SEMA3D: variants seen among roughly 807,000 people sequenced by gnomAD.
The protein encoded by SEMA3D is semaphorin 3D.
SEMA3D carries 84 observed loss-of-function variants against 100.1 expected under a neutral mutation model. The observed-to-expected ratio is 0.84, with a 90% CI of 0.70 to 1.01. The LOEUF (loss-of-function observed/expected upper bound fraction) is 1.01. Ranked by LOEUF, SEMA3D falls within the 50% of genes least tolerant of loss-of-function variation. The probability of loss-of-function intolerance (pLI) is 0.00; values close to 1 mark genes in which losing one functional copy is unlikely to be tolerated. For missense variants in SEMA3D, 875 were observed against 934.1 expected, an observed-to-expected ratio of 0.94 and a Z score of 0.82; for synonymous variants, 312 against 320.7, an observed-to-expected ratio of 0.97 and a Z score of 0.29.
At chr7:85,022,362 G>GA (rs747823303) in intron 13 of SEMA3D, 29 bp downstream of exon 13, 16 of 1,517,186 alleles carry the variant, frequency 1.1e-5, no homozygotes, top group Non-Finnish European at 1.4e-5. Context: ...AATTCCTTTT[G>GA]AAAAAATCCT....
the SEMA3D span, among the ~76,000 whole-genome samples, chr7:85,211,793 C>G: frequency 6.6e-6 from 1 of 152,048 alleles, no homozygotes; most frequent in African/African-American, 2.4e-5. Context: ...TTGTGATGAT[C>G]TACTTCCAGT....
intron 8 of SEMA3D, among the ~76,000 whole-genome samples, chr7:85,063,091 C>T (rs1791520941): frequency 6.6e-6 from 1 of 152,076 alleles, no homozygotes; most frequent in Non-Finnish European, 1.5e-5. Flanking sequence ...TAATAGACTT[C>T]CCGATATGAT....
intron 2 of SEMA3D, among the ~76,000 whole-genome samples, chr7:85,136,669 T>C (rs1789875542): frequency 6.6e-6 from 1 of 152,144 alleles, no homozygotes; most frequent in African/African-American, 2.4e-5. Flanking sequence ...TTATGCTTTC[T>C]CTTGCTAAAA....
chr7:85,161,374 TA>T (rs1221759030), intron 1 of SEMA3D, among the ~76,000 whole-genome samples: 1 of 152,092 alleles, frequency 6.6e-6, no homozygotes, highest in African/African-American at 2.4e-5. Flanking sequence ...GGGGTAAATA[TA>T]AAATATATAA....
chr7:85,202,122 T>A, the SEMA3D span, among the ~76,000 whole-genome samples: 1 of 151,640 alleles, frequency 6.6e-6, no homozygotes, highest in South Asian at 2.1e-4. Flanking sequence ...GTTAGTTACA[T>A]ACATATACAT....
intron 3 of SEMA3D, 136 bp from the exon 4 acceptor site, chr7:85,098,101 AAGAAAG>A: frequency 1.8e-6 from 1 of 564,550 alleles, no homozygotes; most frequent in Non-Finnish European, 2.9e-6. Context: ...AAAAGAAAGA[AAGAAAG>A]AGAAAGAAAG....
chr7:85,247,994 C>A, the SEMA3D span, among the ~76,000 whole-genome samples: 8 of 151,966 alleles, frequency 5.3e-5, no homozygotes, highest in African/African-American at 1.7e-4. Context: ...GACATAGATA[C>A]CATGCAAAAG....
intron 4 of SEMA3D, among the ~76,000 whole-genome samples, chr7:85,084,201 G>C (rs1468359000): frequency 6.6e-6 from 1 of 151,860 alleles, no homozygotes; most frequent in African/African-American, 2.4e-5. Flanking sequence ...TTAGATATGA[G>C]CTTATGAACT....
intron 2 of SEMA3D, among the ~76,000 whole-genome samples, chr7:85,147,092 C>CTTTTCTTTTTTTT (rs1165953881): frequency 3.9e-4 from 19 of 48,154 alleles, no homozygotes; most frequent in Non-Finnish European, 5.9e-4. Flanking sequence ...TTTTTCTTTT[C>CTTTTCTTTTTTTT]TTTTTTTTTT....
chr7:85,137,759 A>AT (rs1471815276), intron 2 of SEMA3D, among the ~76,000 whole-genome samples: 6 of 152,104 alleles, frequency 3.9e-5, no homozygotes, highest in African/African-American at 9.7e-5. Flanking sequence ...AACTACACAA[A>AT]TTACTTTCCT....
intron 1 of SEMA3D, among the ~76,000 whole-genome samples, chr7:85,179,339 G>T (rs1791330499): frequency 6.6e-6 from 1 of 152,140 alleles, no homozygotes; most frequent in African/African-American, 2.4e-5. Flanking sequence ...GCCAGGAGTG[G>T]GGCTGTACCT....
At chr7:85,168,811 AAAGAAAG>A (rs1790989048) in intron 1 of SEMA3D, among the ~76,000 whole-genome samples, 2 of 143,320 alleles carry the variant, frequency 1.4e-5, no homozygotes, top group Non-Finnish European at 3.0e-5. Flanking sequence ...AGAAAGAAAG[AAAGAAAG>A]ATGAAAGAAA....
At chr7:85,250,002 C>T in the SEMA3D span, among the ~76,000 whole-genome samples, 704 of 151,538 alleles carry the variant, frequency 4.6e-3, 5 homozygotes, top group African/African-American at 0.016. Context: ...CCCAGGTCAG[C>T]GGGTGCACGC....
At chr7:85,120,441 G>C (rs1789375662) in intron 3 of SEMA3D, among the ~76,000 whole-genome samples, 1 of 152,032 alleles carries the variant, frequency 6.6e-6, no homozygotes, top group African/African-American at 2.4e-5. Flanking sequence ...GCTGAGGTGG[G>C]CAGATCACTT....
rs1296435249 is a variant in SEMA3D, at chr7:85,081,508, C to A, written c.375+9G>T. 6.3e-6 allele frequency: 10 copies of A among 1,581,252 alleles called. No individual in the cohort carries two copies. Among genetic ancestry groups the A allele is most frequent in the Non-Finnish European group, 7.0e-6 (8 of 1,150,486 alleles). Reference sequence around the variant, plus strand: ...TTTACAAAGATAATTGTTACAGTTTCATACTTACATTGGCATCTTTCCCAG... The same window carrying A: ...TTTACAAAGATAATTGTTACAGTTTAATACTTACATTGGCATCTTTCCCAG... On this transcript the variant is annotated intron_variant, in intron 5 of 18. Coordinates refer to ENST00000284136, the MANE Select transcript of SEMA3D (RefSeq NM_001384900.1).
At chr7:85,166,970 G>A (rs1198491900) in intron 1 of SEMA3D, among the ~76,000 whole-genome samples, 3 of 151,926 alleles carry the variant, frequency 2.0e-5, no homozygotes, top group African/African-American at 7.2e-5. Flanking sequence ...AAGTGATGGT[G>A]TACAGTGAAT....
At chr7:85,180,340 T>C (rs1216497143) in intron 1 of SEMA3D, among the ~76,000 whole-genome samples, 1 of 152,176 alleles carries the variant, frequency 6.6e-6, no homozygotes, top group Non-Finnish European at 1.5e-5. Context: ...ACTATGATTA[T>C]AAGTTTCCTG....
At chr7:85,105,702 C>CA (rs1240032802) in intron 3 of SEMA3D, among the ~76,000 whole-genome samples, 1 of 152,086 alleles carries the variant, frequency 6.6e-6, no homozygotes, top group African/African-American at 2.4e-5. Flanking sequence ...AGAACACAAA[C>CA]AAATCAAATT....
intron 2 of SEMA3D, among the ~76,000 whole-genome samples, chr7:85,147,706 C>T (rs573012316): frequency 6.6e-6 from 1 of 151,992 alleles, no homozygotes; most frequent in Non-Finnish European, 1.5e-5. Flanking sequence ...TATCCTAATG[C>T]TTTAGTGTCA....
Sources: allele counts gnomAD v4.1 joint callset (sites outside exome capture counted in the v4.1 genomes callset), GRCh38; gene constraint gnomAD v4.1.1; transcripts MANE v1.5; gene names NCBI Gene and HGNC (gene_info 2026-07-23, HGNC 2026-07-21).